PCCB: variants seen among roughly 807,000 people sequenced by gnomAD.
The protein encoded by PCCB is propionyl-CoA carboxylase beta chain, mitochondrial.
Under a neutral mutation model 60.7 loss-of-function variants are expected in PCCB, and 43 were observed. The observed-to-expected ratio is 0.71, with a 90% CI of 0.55 to 0.91. PCCB has a LOEUF of 0.91. Ranked by LOEUF, PCCB falls within the 40% of genes least tolerant of loss-of-function variation. The pLI, the probability that PCCB is intolerant of heterozygous loss-of-function variation, is 0.00. For missense variants in PCCB, 766 were observed against 702.8 expected, an observed-to-expected ratio of 1.09 and a Z score of -1.02; for synonymous variants, 276 against 255.9, an observed-to-expected ratio of 1.08 and a Z score of -0.75.
intron 9 of PCCB, among the ~76,000 whole-genome samples, chr3:136,315,218 T>C (rs890438669): frequency 3.9e-5 from 6 of 152,124 alleles, no homozygotes; most frequent in Middle Eastern, 3.2e-3. Context: ...ATTGGAACAA[T>C]TGGCAAACTT....
chr3:136,264,278 AT>A (rs1363605150), intron 5 of PCCB, among the ~76,000 whole-genome samples: 1 of 151,916 alleles, frequency 6.6e-6, no homozygotes, highest in Non-Finnish European at 1.5e-5. Context: ...GAATACAGTA[AT>A]AAAAATCAGG....
chr3:136,323,070 A>G (rs188721865), intron 10 of PCCB, among the ~76,000 whole-genome samples: 2 of 148,440 alleles, frequency 1.3e-5, no homozygotes, highest in Non-Finnish European at 3.0e-5. Flanking sequence ...AATATGTCTC[A>G]GTGTGGGTTT....
rs551958082 is a variant in PCCB, at chr3:136,325,190, A to AT, written c.1091-1604dup. On this transcript the variant is annotated intron_variant, in intron 10 of 14. Coordinates refer to ENST00000251654, the MANE Select transcript of PCCB (RefSeq NM_000532.5). ...CAGGTGTGAGCCACCACATCTGGCCATTTTTTTTTGTTCTTTTAGAGACAG... is the reference window on the plus strand; with the variant it reads ...CAGGTGTGAGCCACCACATCTGGCCATTTTTTTTTTGTTCTTTTAGAGACAG... Among the ~76,000 whole-genome samples the AT allele has an allele frequency of 1.6e-3, 245 of 150,372 alleles. 1 individual carries two copies. The highest frequency in any genetic ancestry group is 3.0e-3 in the Non-Finnish European group (201 of 67,478).
chr3:136,251,229 C>A (rs561009103), intron 1 of PCCB: 1 of 456,672 alleles, frequency 2.2e-6, no homozygotes, highest in Non-Finnish European at 4.4e-6. Flanking sequence ...CACCCACCGC[C>A]TGGGTTTTGA....
chr3:136,259,103 TAATG>T (rs1347791859), intron 3 of PCCB: 1 of 1,379,996 alleles, frequency 7.2e-7, no homozygotes, highest in Non-Finnish European at 9.4e-7. Flanking sequence ...CATCTGAACA[TAATG>T]AAGATCCATA....
chr3:136,298,864 A>G (rs765847131), intron 8 of PCCB, among the ~76,000 whole-genome samples: 1 of 152,202 alleles, frequency 6.6e-6, no homozygotes, highest in Non-Finnish European at 1.5e-5. Flanking sequence ...TTCAGATGCT[A>G]TCCTGTAGCT....
intron 9 of PCCB, among the ~76,000 whole-genome samples, 191 bp downstream of exon 9, chr3:136,301,302 C>G (rs1934270623): frequency 6.6e-6 from 1 of 152,078 alleles, no homozygotes; most frequent in African/African-American, 2.4e-5. Context: ...TATAGATACC[C>G]TAGTGGCACA....
At chr3:136,328,193 G>C (rs1268443692) in intron 13 of PCCB, among the ~76,000 whole-genome samples, 1 of 152,086 alleles carries the variant, frequency 6.6e-6, no homozygotes, top group Non-Finnish European at 1.5e-5. Flanking sequence ...CCTATTGCTT[G>C]ACCTATTCCT....
chr3:136,259,624 G>A (rs769213585), intron 3 of PCCB, among the ~76,000 whole-genome samples: 11 of 152,018 alleles, frequency 7.2e-5, no homozygotes, highest in East Asian at 1.9e-4. Flanking sequence ...CATTTTTGTA[G>A]AGCAAAGACT....
At chr3:136,291,832 G>C (rs918072321) in intron 6 of PCCB, among the ~76,000 whole-genome samples, 13 of 152,146 alleles carry the variant, frequency 8.5e-5, no homozygotes, top group African/African-American at 3.1e-4. Context: ...AGTTTTCTCT[G>C]ATTATCACTG....
intron 10 of PCCB, among the ~76,000 whole-genome samples, chr3:136,324,611 C>T (rs1284047488): frequency 6.6e-6 from 1 of 151,248 alleles, no homozygotes; most frequent in Non-Finnish European, 1.5e-5. Flanking sequence ...TTTTTTTCTC[C>T]CATATCTTAG....
intron 1 of PCCB, 119 bp downstream of exon 1, chr3:136,250,677 A>G: frequency 9.9e-7 from 1 of 1,010,102 alleles, no homozygotes; most frequent in Non-Finnish European, 1.4e-6. Context: ...GAGGGGCCGG[A>G]GCAAGGGTGT....
chr3:136,295,061 A>G (rs868655761), intron 7 of PCCB, among the ~76,000 whole-genome samples: 3 of 152,262 alleles, frequency 2.0e-5, no homozygotes, highest in Non-Finnish European at 2.9e-5. Flanking sequence ...TAGTGAAGAC[A>G]TGTTAGCTGT....
At chr3:136,296,898 A>G (rs1933964801) in intron 7 of PCCB, among the ~76,000 whole-genome samples, 1 of 152,240 alleles carries the variant, frequency 6.6e-6, no homozygotes, top group Non-Finnish European at 1.5e-5. Context: ...AGGTGCTAGG[A>G]ATACATCTGT....
intron 5 of PCCB, among the ~76,000 whole-genome samples, chr3:136,266,623 A>G (rs1421190958): frequency 1.3e-5 from 2 of 152,192 alleles, no homozygotes; most frequent in Non-Finnish European, 2.9e-5. Context: ...GTGGTGTGTA[A>G]TGGTATCTCA....
At chr3:136,295,302 A>G (rs1464054827) in intron 7 of PCCB, among the ~76,000 whole-genome samples, 1 of 152,162 alleles carries the variant, frequency 6.6e-6, no homozygotes, top group Admixed American at 6.5e-5. Context: ...TAAAGTAGAG[A>G]TGTGTCTTAT....
At chr3:136,302,963 A>C (rs781104080) in intron 9 of PCCB, among the ~76,000 whole-genome samples, 2 of 122,230 alleles carry the variant, frequency 1.6e-5, no homozygotes, top group African/African-American at 5.0e-5. Context: ...TGTCGCCTGT[A>C]GTCCCATTTA....
intron 9 of PCCB, among the ~76,000 whole-genome samples, chr3:136,313,769 T>C (rs1263852745): frequency 6.6e-6 from 1 of 152,210 alleles, no homozygotes; most frequent in Admixed American, 6.5e-5. Context: ...AAAATAGCTG[T>C]AAAAAAATTC....
At chr3:136,299,269 T>A (rs1305184779) in intron 8 of PCCB, among the ~76,000 whole-genome samples, 1 of 152,088 alleles carries the variant, frequency 6.6e-6, no homozygotes, top group African/African-American at 2.4e-5. Flanking sequence ...TATATACATA[T>A]GTTCATGTGT....
Sources: allele counts gnomAD v4.1 joint callset (sites outside exome capture counted in the v4.1 genomes callset), GRCh38; gene constraint gnomAD v4.1.1; transcripts MANE v1.5; gene names NCBI Gene and HGNC (gene_info 2026-07-23, HGNC 2026-07-21).